Variants in BTG4 observed in about 807,000 individuals in gnomAD.
The protein encoded by BTG4 is protein BTG4.
Under a neutral mutation model 19.3 loss-of-function variants are expected in BTG4, and 10 were observed. The observed-to-expected ratio is 0.52, with a 90% confidence interval of 0.32 to 0.88. The LOEUF (loss-of-function observed/expected upper bound fraction) is 0.88. Ranked by LOEUF, BTG4 falls within the 40% of genes least tolerant of loss-of-function variation. BTG4 has a pLI of 0.04. For synonymous variants in BTG4, 91 were observed against 95.7 expected, an observed-to-expected ratio of 0.95 and a Z score of 0.29; for missense variants, 238 against 281.9, an observed-to-expected ratio of 0.84 and a Z score of 1.11.
At chr11:111,386,864 A>T in the BTG4 span, among the ~76,000 whole-genome samples, 1 of 152,210 alleles carries the variant, frequency 6.6e-6, no homozygotes, top group Non-Finnish European at 1.5e-5. Context: ...TCTCTGGCAC[A>T]TGTATATCAT....
At chr11:111,511,093 T>C (rs143372396) in intron 1 of BTG4, among the ~76,000 whole-genome samples, 2 of 152,390 alleles carry the variant, frequency 1.3e-5, no homozygotes, top group East Asian at 1.9e-4. Context: ...GAGTCATTTA[T>C]GTAATGTGTG....
chr11:111,502,119 C>T (rs1485019996), intron 1 of BTG4, among the ~76,000 whole-genome samples: 4 of 151,962 alleles, frequency 2.6e-5, no homozygotes, highest in Non-Finnish European at 4.4e-5. Context: ...ATGTCTGCCT[C>T]CTATCCCTTA....
intron 5 of BTG4, among the ~76,000 whole-genome samples, chr11:111,472,370 G>C (rs975310084): frequency 6.6e-6 from 1 of 152,178 alleles, no homozygotes; most frequent in African/African-American, 2.4e-5. Context: ...TCTCACCCAG[G>C]AGGAATTTTT....
chr11:111,453,643 G>C, the BTG4 span: 1 of 390,494 alleles, frequency 2.6e-6, no homozygotes, highest in Non-Finnish European at 5.1e-6. Context: ...GCCAGCTCCT[G>C]CTTCTTTTTT....
At chr11:111,439,261 A>C in the BTG4 span, among the ~76,000 whole-genome samples, 1 of 152,226 alleles carries the variant, frequency 6.6e-6, no homozygotes, top group Non-Finnish European at 1.5e-5. Flanking sequence ...TGCTAAACAA[A>C]TAGTCACCCT....
the BTG4 span, among the ~76,000 whole-genome samples, chr11:111,419,356 A>G: frequency 6.6e-6 from 1 of 152,236 alleles, no homozygotes; most frequent in African/African-American, 2.4e-5. Flanking sequence ...TGACAACCCT[A>G]GAGATACAAA....
intron 5 of BTG4, among the ~76,000 whole-genome samples, chr11:111,485,946 T>C: frequency 6.6e-6 from 1 of 152,100 alleles, no homozygotes; most frequent in Non-Finnish European, 1.5e-5. Flanking sequence ...GCATTACAAC[T>C]GATACCACAG....
At chr11:111,401,567 C>T in the BTG4 span, among the ~76,000 whole-genome samples, 1 of 151,966 alleles carries the variant, frequency 6.6e-6, no homozygotes, top group African/African-American at 2.4e-5. Flanking sequence ...TTCTGCAAAG[C>T]TAAACATATT....
At chr11:111,464,701 T>C (rs965122887), downstream of BTG4, 1 of 152,208 alleles carries the variant, frequency 6.6e-6, no homozygotes, top group African/African-American at 2.4e-5. Flanking sequence ...GTAGCTCCTG[T>C]TTGGGATTCT....
the BTG4 span, among the ~76,000 whole-genome samples, chr11:111,392,194 T>C: frequency 1.4e-5 from 2 of 145,082 alleles, no homozygotes; most frequent in South Asian, 2.3e-4. Context: ...TTTTTTTTTT[T>C]TGAGACGGAG....
the BTG4 span, among the ~76,000 whole-genome samples, chr11:111,458,461 T>G: frequency 2.6e-5 from 4 of 152,334 alleles, no homozygotes; most frequent in South Asian, 8.3e-4. Context: ...AGTTATGTTA[T>G]GGAGCATACA....
chr11:111,509,085 T>C (rs1018564833), intron 1 of BTG4, among the ~76,000 whole-genome samples: 11 of 152,124 alleles, frequency 7.2e-5, no homozygotes, highest in African/African-American at 2.7e-4. Context: ...GATTAATCAA[T>C]AAATATAAAC....
intron 1 of BTG4, 23 bp from the exon 2 acceptor site, chr11:111,498,825 G>C (rs774870813): frequency 3.4e-6 from 5 of 1,464,410 alleles, no homozygotes; most frequent in Non-Finnish European, 3.7e-6. Flanking sequence ...AAGGAAGCAA[G>C]AAGAAATAGA....
chr11:111,502,644 T>G lies in BTG4; in HGVS notation c.-26-3842A>C, dbSNP rs556826524. Among the ~76,000 whole-genome samples, 3 of 152,322 alleles carry G rather than the reference T, an allele frequency of 2.0e-5. No homozygotes were observed. In the South Asian group the frequency reaches 6.2e-4, roughly 32 times the overall value. On this transcript the variant is annotated intron_variant, in intron 1 of 4. Coordinates refer to ENST00000692032, the MANE Select transcript of BTG4 (RefSeq NM_001367975.1). ...CAGATGCATTAACAAACACAAAATT[T>G]TTTTTCTTTTCAAATGGTCAGTTTG...
Position 111,478,805 on chromosome 11 carries a change from T to G in BTG4, c.663-11124A>C, listed in dbSNP as rs187250505. ...TGTTTTTAGATAGAACAATCAAAAATTATTTAATCTGAATGAAAGAGAAAA... is the reference window on the plus strand; with the variant it reads ...TGTTTTTAGATAGAACAATCAAAAAGTATTTAATCTGAATGAAAGAGAAAA... On this transcript the variant is annotated intron_variant, in intron 5 of 5. Coordinates refer to the BTG4 transcript ENST00000356018. 5.5e-4 allele frequency among the ~76,000 whole-genome samples: 83 copies of G among 151,986 alleles called. 2 individuals are homozygous for G. Among genetic ancestry groups the G allele is most frequent in the African/African-American group, 1.8e-3 (75 of 41,458 alleles).
chr11:111,480,201 T>A (rs1864652308), intron 5 of BTG4, among the ~76,000 whole-genome samples: 2 of 152,078 alleles, frequency 1.3e-5, no homozygotes, highest in Admixed American at 1.3e-4. Context: ...TATATTAATA[T>A]CAGATAAAGC....
the BTG4 span, chr11:111,455,650 T>A: frequency 2.8e-6 from 1 of 356,110 alleles, no homozygotes; most frequent in Non-Finnish European, 6.0e-6. Context: ...GGATCAGACT[T>A]AGGGAGACAT....
the BTG4 span, among the ~76,000 whole-genome samples, chr11:111,412,348 A>C: frequency 1.3e-5 from 2 of 151,906 alleles, no homozygotes; most frequent in South Asian, 4.2e-4. Context: ...CGAGTTTCTT[A>C]AAGTTTACTA....
the BTG4 span, among the ~76,000 whole-genome samples, chr11:111,419,343 G>C: frequency 6.6e-6 from 1 of 152,214 alleles, no homozygotes; most frequent in African/African-American, 2.4e-5. Flanking sequence ...CTTCTTGGCT[G>C]ACTGACAACC....
Sources: allele counts gnomAD v4.1 joint callset (sites outside exome capture counted in the v4.1 genomes callset), GRCh38; gene constraint gnomAD v4.1.1; transcripts MANE v1.5; gene names NCBI Gene and HGNC (gene_info 2026-07-23, HGNC 2026-07-21).